Variants in LRRC37A2 observed in about 807,000 individuals in gnomAD.
LRRC37A2 encodes the protein leucine-rich repeat-containing protein 37A2.
Under a neutral mutation model 68.8 loss-of-function variants are expected in LRRC37A2, and 9 were observed. The observed-to-expected ratio is 0.13, with a 90% CI of 0.08 to 0.23. LRRC37A2 has a LOEUF of 0.23. LRRC37A2 is among the 10% of genes least tolerant of loss of function. LRRC37A2 has a pLI of 1.00. For missense variants in LRRC37A2, 168 were observed against 950.4 expected (o/e 0.18, Z 10.82); for synonymous variants, 63 against 367.6 (o/e 0.17, Z 9.48).
the LRRC37A2 span, among the ~76,000 whole-genome samples, chr17:46,864,047 A>G: frequency 6.6e-6 from 1 of 152,162 alleles, no homozygotes; most frequent in South Asian, 2.1e-4. Context: ...CTCATCATTG[A>G]GGGGGTCACG....
the LRRC37A2 span, among the ~76,000 whole-genome samples, chr17:46,828,974 A>G: frequency 6.6e-6 from 1 of 151,650 alleles, no homozygotes; most frequent in Non-Finnish European, 1.5e-5. Flanking sequence ...AAACAAACAA[A>G]CAGAAAGAAT....
chr17:46,863,191 C>T, the LRRC37A2 span, among the ~76,000 whole-genome samples: 4 of 152,290 alleles, frequency 2.6e-5, no homozygotes, highest in South Asian at 6.2e-4. Context: ...GAAGGTTTGG[C>T]GGTGGGGCGT....
At chr17:46,862,828 C>A in the LRRC37A2 span, among the ~76,000 whole-genome samples, 1 of 152,210 alleles carries the variant, frequency 6.6e-6, no homozygotes, top group South Asian at 2.1e-4. Context: ...AAGTGATCCG[C>A]CCGCCTCGGC....
chr17:46,551,258 C>T (rs2056784182), intron 11 of LRRC37A2, among the ~76,000 whole-genome samples: 1 of 149,448 alleles, frequency 6.7e-6, no homozygotes, highest in Non-Finnish European at 1.5e-5. Context: ...AGTGCCCATT[C>T]CTGGAGCTTG....
the LRRC37A2 span, chr17:46,930,878 A>G: frequency 2.0e-6 from 1 of 500,452 alleles, no homozygotes; most frequent in Non-Finnish European, 3.6e-6. Context: ...AAAAATTGGC[A>G]TTGTTATGTC....
At chr17:46,717,824 C>T in the LRRC37A2 span, among the ~76,000 whole-genome samples, 6,847 of 152,238 alleles carry the variant, frequency 0.045, 772 homozygotes, top group East Asian at 0.36. Flanking sequence ...ACGGAAATCA[C>T]GCTTAACAAC....
chr17:46,988,858 C>T, the LRRC37A2 span, among the ~76,000 whole-genome samples: 11 of 152,110 alleles, frequency 7.2e-5, no homozygotes, highest in African/African-American at 2.4e-4. Flanking sequence ...TAGGGAATCA[C>T]AGTGAAAGCC....
chr17:46,804,267 T>C, the LRRC37A2 span, among the ~76,000 whole-genome samples: 1 of 152,098 alleles, frequency 6.6e-6, no homozygotes, highest in East Asian at 1.9e-4. Flanking sequence ...TTTGTATTTT[T>C]AGTAGAGACG....
the LRRC37A2 span, among the ~76,000 whole-genome samples, chr17:46,853,217 C>A: frequency 1.3e-5 from 2 of 152,010 alleles, no homozygotes; most frequent in African/African-American, 4.8e-5. Flanking sequence ...TTGGCCAAGT[C>A]ACTTAACTTA....
chr17:46,887,568 C>A, the LRRC37A2 span, among the ~76,000 whole-genome samples: 1 of 152,196 alleles, frequency 6.6e-6, no homozygotes, highest in African/African-American at 2.4e-5. Flanking sequence ...AGTTTGAGAC[C>A]AGCTTGGCCA....
the LRRC37A2 span, among the ~76,000 whole-genome samples, chr17:47,012,856 C>A: frequency 2.6e-5 from 4 of 152,208 alleles, no homozygotes; most frequent in Non-Finnish European, 5.9e-5. Flanking sequence ...CATGACCCAG[C>A]AACTCTACTC....
chr17:47,022,166 C>CTTTTTTTTTTTT, the LRRC37A2 span, among the ~76,000 whole-genome samples: 6 of 15,842 alleles, frequency 3.8e-4, no homozygotes, highest in Admixed American at 2.4e-3. Flanking sequence ...CCTTTTTGTT[C>CTTTTTTTTTTTT]TCTTTTTTTT....
chr17:46,848,530 G>A, the LRRC37A2 span, among the ~76,000 whole-genome samples: 5 of 152,338 alleles, frequency 3.3e-5, no homozygotes, highest in East Asian at 9.6e-4. Flanking sequence ...TGCTCTTCAT[G>A]TCCTTCCTCA....
the LRRC37A2 span, among the ~76,000 whole-genome samples, chr17:46,796,023 T>C: frequency 6.6e-6 from 1 of 151,984 alleles, no homozygotes; most frequent in Non-Finnish European, 1.5e-5. Flanking sequence ...GGCAGGGTAA[T>C]TATCAGTAAA....
the LRRC37A2 span, among the ~76,000 whole-genome samples, chr17:46,750,500 C>A: frequency 6.6e-6 from 1 of 152,200 alleles, no homozygotes; most frequent in Non-Finnish European, 1.5e-5. Flanking sequence ...TGTTGGCACT[C>A]AGAAAGTTTC....
the LRRC37A2 span, among the ~76,000 whole-genome samples, chr17:46,743,555 T>C: frequency 1.3e-5 from 2 of 152,196 alleles, no homozygotes; most frequent in African/African-American, 4.8e-5. Flanking sequence ...GGCCTCTACT[T>C]CTGTTGCACC....
the LRRC37A2 span, among the ~76,000 whole-genome samples, chr17:46,623,449 A>T: frequency 2.0e-4 from 1 of 5,114 alleles, no homozygotes. Context: ...TTGGTTAAAT[A>T]TATTATATAA....
the LRRC37A2 span, chr17:47,018,656 T>C: frequency 1.3e-6 from 2 of 1,520,268 alleles, no homozygotes; most frequent in East Asian, 2.3e-5. Context: ...CTATTAATAA[T>C]GAGAACCCCT....
At chr17:46,769,823 C>G in the LRRC37A2 span, 1 of 1,612,952 alleles carries the variant, frequency 6.2e-7, no homozygotes, top group Non-Finnish European at 8.5e-7. Context: ...CATGGCCGAG[C>G]GCGCGTCCGG....
Sources: allele counts gnomAD v4.1 joint callset (sites outside exome capture counted in the v4.1 genomes callset), GRCh38; gene constraint gnomAD v4.1.1; transcripts MANE v1.5; gene names NCBI Gene and HGNC (gene_info 2026-07-23, HGNC 2026-07-21).